The following CPSF7 variants were observed in gnomAD, a reference collection of about 807,000 sequenced individuals.
CPSF7 encodes the protein cleavage and polyadenylation specificity factor subunit 7.
Under a neutral mutation model 44.3 loss-of-function variants are expected in CPSF7, and 1 was observed. The ratio of observed to expected loss-of-function variants is 0.02; its 90% CI spans 0.01 to 0.11. CPSF7 has a LOEUF of 0.11. Ranked by LOEUF, CPSF7 falls within the 10% of genes least tolerant of loss-of-function variation. The pLI, the probability that CPSF7 is intolerant of heterozygous loss-of-function variation, is 1.00. For missense variants in CPSF7, 443 were observed against 607.2 expected, an observed-to-expected ratio of 0.73 and a Z score of 2.84; for synonymous variants, 202 against 222.0, an observed-to-expected ratio of 0.91 and a Z score of 0.80.
intron 9 of CPSF7, among the ~76,000 whole-genome samples, chr11:61,410,005 G>C (rs1258362551): frequency 6.6e-6 from 1 of 152,062 alleles, no homozygotes; most frequent in Non-Finnish European, 1.5e-5. Flanking sequence ...ATGTTGCTCA[G>C]GCTGGTCTCA....
At chr11:61,422,449 G>A (rs1860967832) in intron 2 of CPSF7, among the ~76,000 whole-genome samples, 1 of 151,924 alleles carries the variant, frequency 6.6e-6, no homozygotes. Flanking sequence ...AAGTAACTGG[G>A]GACTACAGAC....
intron 5 of CPSF7, among the ~76,000 whole-genome samples, chr11:61,417,688 C>T (rs901579263): frequency 6.6e-6 from 1 of 152,214 alleles, no homozygotes. Context: ...TGGCAACTGG[C>T]TCTTTCCTAG....
At chr11:61,413,609 G>A (rs892501075) in intron 7 of CPSF7, among the ~76,000 whole-genome samples, 51 of 151,014 alleles carry the variant, frequency 3.4e-4, no homozygotes, top group Non-Finnish European at 5.9e-4. Flanking sequence ...ACTCCAGCTT[G>A]GGCAATAGAG....
intron 2 of CPSF7, among the ~76,000 whole-genome samples, chr11:61,422,285 C>T (rs2135377520): frequency 6.6e-6 from 1 of 151,546 alleles, no homozygotes; most frequent in South Asian, 2.1e-4. Context: ...ACATACAGGC[C>T]CAATGCATTA....
At chr11:61,427,052 AG>A (rs1565120428) in intron 2 of CPSF7, 16 of 106,614 alleles carry the variant, frequency 1.5e-4, no homozygotes, top group African/African-American at 5.1e-4. Context: ...AAAAAAAAAA[AG>A]AGAAGAACTA....
intron 2 of CPSF7, chr11:61,428,751 A>G (rs1861641738): frequency 6.5e-6 from 1 of 152,740 alleles, no homozygotes; most frequent in Admixed American, 6.5e-5. Context: ...CATCTTTTCT[A>G]CTTTGCTTTT....
chr11:61,418,172 T>C (rs1380917219), intron 5 of CPSF7, among the ~76,000 whole-genome samples: 1 of 152,200 alleles, frequency 6.6e-6, no homozygotes, highest in Admixed American at 6.5e-5. Context: ...AAAGAACAGC[T>C]GTTCCTATGC....
Position 61,421,455 on chromosome 11 carries a change from T to G in CPSF7, c.208A>C (p.Ile70Leu). 2 of 1,614,136 alleles carry G rather than the reference T, an allele frequency of 1.2e-6. No homozygotes were observed. Among genetic ancestry groups the G allele is most frequent in the Non-Finnish European group, 1.7e-6 (2 of 1,180,018 alleles). The change falls in exon 3 of 10, where the codon ATT becomes CTT. Residue 70 changes from isoleucine to leucine, a missense_variant. Ile to Leu is a conservative substitution (Grantham distance 5). Transcript: ENST00000439958. ...SPKPNNKTPA[I>L]LYTYSGLRNR... Reference sequence around the variant, plus strand: ...CGCAGGCCACTGTAGGTATACAGAATTGCAGGGGTCTTGTTGTTGGGCTTG... The same window carrying G: ...CGCAGGCCACTGTAGGTATACAGAAGTGCAGGGGTCTTGTTGTTGGGCTTG...
intron 5 of CPSF7, among the ~76,000 whole-genome samples, chr11:61,418,687 C>T (rs1242291077): frequency 6.6e-6 from 1 of 151,746 alleles, no homozygotes; most frequent in Non-Finnish European, 1.5e-5. Flanking sequence ...GGAAACTGTC[C>T]TCAAACTAAG....
Position 61,420,021 on chromosome 11 carries a change from T to G in CPSF7, c.451A>C (p.Asn151His). 3 of 1,614,172 alleles carry G rather than the reference T, an allele frequency of 1.9e-6. No homozygotes were observed. The highest frequency in any genetic ancestry group is 2.5e-6 in the Non-Finnish European group (3 of 1,179,980). The change falls in exon 5 of 10, where the codon AAT becomes CAT. Residue 151 changes from asparagine (N) to histidine (H), a missense_variant. Coordinates refer to ENST00000439958, the MANE Select transcript of CPSF7 (RefSeq NM_001142565.3). ...LLELLPGKVL[N>H]GEKVDVRPAT... is the part of the protein sequence containing the mutation. ...GGCCTCACGTCCACTTTTTCTCCAT[T>G]AAGAACTTTCCCTGGTAGGAGTTCC... is the stretch of plus-strand genomic sequence containing the variant.
At chr11:61,405,980 TCA>T (rs1859283394) in intron 9 of CPSF7, 1 of 152,200 alleles carries the variant, frequency 6.6e-6, no homozygotes. Flanking sequence ...AAGAGAAAGC[TCA>T]GTTTTCAATG....
At chr11:61,429,639 C>A in intron 1 of CPSF7, 1 of 1,165,754 alleles carries the variant, frequency 8.6e-7, no homozygotes, top group South Asian at 1.4e-5. Context: ...ACCTGCCTAG[C>A]CCCCAAGGCG....
intron 4 of CPSF7, 30 bp downstream of exon 4, chr11:61,420,440 T>TC: frequency 6.4e-7 from 1 of 1,553,854 alleles, no homozygotes; most frequent in Non-Finnish European, 8.9e-7. Flanking sequence ...GGTTACAAAT[T>TC]AAAAGGGGCT....
At chr11:61,424,022 G>A (rs917164279) in intron 2 of CPSF7, among the ~76,000 whole-genome samples, 2 of 152,058 alleles carry the variant, frequency 1.3e-5, no homozygotes, top group African/African-American at 4.8e-5. Context: ...TTGTAAAAAC[G>A]TTAGAAAAAG....
chr11:61,410,544 A>G, intron 9 of CPSF7: 1 of 159,578 alleles, frequency 6.3e-6, no homozygotes, highest in South Asian at 1.9e-4. Flanking sequence ...TGAGTGCTAA[A>G]TGGTCTACAT....
chr11:61,420,242 A>G (rs1860740559), intron 4 of CPSF7, 148 bp from the exon 5 acceptor site: 1 of 727,666 alleles, frequency 1.4e-6, no homozygotes, highest in African/African-American at 1.8e-5. Context: ...ACAAAGAGAC[A>G]GCCTAAATCT....
At chr11:61,427,388 G>A (rs1376320280) in intron 2 of CPSF7, 2 of 152,084 alleles carry the variant, frequency 1.3e-5, no homozygotes, top group Non-Finnish European at 2.9e-5. Context: ...CATGCACGGT[G>A]GCTCACGCCT....
intron 2 of CPSF7, among the ~76,000 whole-genome samples, 193 bp from the exon 3 acceptor site, chr11:61,421,801 T>C (rs1194583077): frequency 1.3e-5 from 2 of 152,196 alleles, no homozygotes; most frequent in Non-Finnish European, 1.5e-5. Flanking sequence ...TGTACATTTT[T>C]TTCCCCTCAA....
At position 61,416,022 on chromosome 11, in the gene CPSF7, A is replaced by G; in HGVS notation, c.938+83T>C. 2.4e-6 allele frequency: 3 copies of G among 1,236,976 alleles called. No homozygotes were observed. The Admixed American group carries it at 7.4e-5, about 31-fold the overall frequency. The allele number at this position is 1,236,976 out of a possible 1,614,324, so 76.6% of individuals were successfully genotyped here. A position where few individuals can be genotyped will look rare whatever the true frequency, so the allele number is the denominator to read the frequency against. On this transcript the variant is annotated intron_variant, in intron 6 of 9. Transcript: ENST00000439958. ...TCTATAAGGGAAAGAACAAGGATTCAGTGCTCACTTTCTCAGGGAGAATAA... is the reference window on the plus strand; with the variant it reads ...TCTATAAGGGAAAGAACAAGGATTCGGTGCTCACTTTCTCAGGGAGAATAA...
Sources: gnomAD v4.1 joint callset for allele counts (sites outside exome capture counted in the v4.1 genomes callset) on GRCh38, gnomAD v4.1.1 for gene constraint, MANE v1.5 for transcripts, NCBI Gene and HGNC (gene_info 2026-07-23, HGNC 2026-07-21) for gene names.